The following BABAM2 variants were observed in gnomAD, a reference collection of about 807,000 sequenced individuals.
The protein encoded by BABAM2 is BRISC and BRCA1-A complex member 2.
BABAM2 carries 31 observed loss-of-function variants against 54.7 expected under a neutral mutation model. The ratio of observed to expected loss-of-function variants is 0.57; its 90% CI spans 0.43 to 0.77. The LOEUF is 0.77. Among genes scored for constraint, BABAM2 ranks in the 30% least tolerant of loss-of-function variants. The pLI is 0.00. For synonymous variants in BABAM2, 167 were observed against 162.9 expected (o/e 1.03, Z -0.19); for missense variants, 364 against 455.8 (o/e 0.80, Z 1.83).
chr2:28,045,166 A>G (rs984749466), intron 5 of BABAM2, among the ~76,000 whole-genome samples: 4 of 152,204 alleles, frequency 2.6e-5, no homozygotes, highest in South Asian at 2.1e-4. Context: ...AGATTAGTTC[A>G]TGGAGGGAGT....
rs77789876 is a variant in BABAM2, at chr2:28,281,948, G to T, written c.935-16390G>T. On this transcript the variant is annotated intron_variant, in intron 10 of 11. Coordinates refer to ENST00000379624, the MANE Select transcript of BABAM2 (RefSeq NM_199191.3). ...AGGGAAGGATATGGAGATTTTGAAG[G>T]CTTCAAAGGTTACTGACAGATGAGA... is the stretch of plus-strand genomic sequence containing the variant. Among the ~76,000 whole-genome samples the T allele has an allele frequency of 7.2e-3, 1,094 of 152,298 alleles. 9 individuals carry two copies. Among genetic ancestry groups the T allele is most frequent in the African/African-American group, 0.025 (1,037 of 41,554 alleles).
chr2:27,984,388 C>G (rs1395072632), intron 3 of BABAM2, among the ~76,000 whole-genome samples: 1 of 152,086 alleles, frequency 6.6e-6, no homozygotes. Context: ...ATTATCTCTA[C>G]TTGTGCTTTT....
chr2:28,167,709 T>TA (rs1558400423), intron 7 of BABAM2, among the ~76,000 whole-genome samples: 2 of 147,700 alleles, frequency 1.4e-5, no homozygotes, highest in African/African-American at 2.5e-5. Flanking sequence ...AATAAATAAA[T>TA]AAATAAATAA....
At chr2:27,991,713 T>C (rs1284822665) in intron 4 of BABAM2, among the ~76,000 whole-genome samples, 2 of 152,198 alleles carry the variant, frequency 1.3e-5, no homozygotes, top group African/African-American at 2.4e-5. Flanking sequence ...GAAGCATGTA[T>C]TACTGTTTTA....
intron 7 of BABAM2, among the ~76,000 whole-genome samples, chr2:28,203,673 A>G (rs1427081128): frequency 6.6e-6 from 1 of 152,080 alleles, no homozygotes; most frequent in Non-Finnish European, 1.5e-5. Context: ...TACATAGGTG[A>G]TATACTAAGG....
At chr2:27,953,387 T>C (rs1669878039) in intron 3 of BABAM2, among the ~76,000 whole-genome samples, 1 of 152,078 alleles carries the variant, frequency 6.6e-6, no homozygotes, top group Admixed American at 6.6e-5. Flanking sequence ...CTACCTGTGT[T>C]GCCCAGGATG....
intron 11 of BABAM2, among the ~76,000 whole-genome samples, chr2:28,300,199 A>T (rs1442805077): frequency 6.6e-6 from 1 of 152,152 alleles, no homozygotes; most frequent in Non-Finnish European, 1.5e-5. Context: ...TCAGCCTCCC[A>T]AAGTGCTAGG....
Position 27,926,455 on chromosome 2 carries a change from A to AT in BABAM2, c.129-3377_129-3376insT, listed in dbSNP as rs1318440163. Among the ~76,000 whole-genome samples the AT allele has an allele frequency of 2.0e-5, 3 of 152,338 alleles. No homozygotes were observed. In the East Asian group the frequency reaches 5.8e-4, roughly 29 times the overall value. ...TGCTCTGCCTGGAATGCTCTTTCCC[A>AT]GAACTTGGCATGGTGGGCCCCTTTG... On this transcript the variant is annotated intron_variant, in intron 2 of 11. Transcript: ENST00000379624.
chr2:28,235,204 T>C (rs1681787512), intron 7 of BABAM2, among the ~76,000 whole-genome samples: 1 of 152,210 alleles, frequency 6.6e-6, no homozygotes, highest in Non-Finnish European at 1.5e-5. Context: ...AGATGGAGTC[T>C]CACTTTTATC....
chr2:28,313,847 G>A (rs1689283359), intron 11 of BABAM2, among the ~76,000 whole-genome samples: 1 of 152,148 alleles, frequency 6.6e-6, no homozygotes, highest in East Asian at 1.9e-4. Context: ...ATGGTCCATC[G>A]CTGCTTGAGA....
chr2:28,187,645 T>C (rs1406330862), intron 7 of BABAM2, among the ~76,000 whole-genome samples: 5 of 148,324 alleles, frequency 3.4e-5, no homozygotes, highest in Non-Finnish European at 3.0e-5. Flanking sequence ...ACCATTCTCC[T>C]AAAACAGAAC....
At chr2:28,234,127 T>G (rs1681682726) in intron 7 of BABAM2, among the ~76,000 whole-genome samples, 2 of 152,176 alleles carry the variant, frequency 1.3e-5, no homozygotes, top group South Asian at 4.1e-4. Flanking sequence ...AAACCTGTGT[T>G]CAGATCTTGG....
At chr2:28,293,451 G>A (rs1173476885) in intron 10 of BABAM2, among the ~76,000 whole-genome samples, 1 of 152,194 alleles carries the variant, frequency 6.6e-6, no homozygotes, top group Non-Finnish European at 1.5e-5. Flanking sequence ...TCACAGAGAG[G>A]CAGCATAGTT....
chr2:28,265,606 G>A lies in BABAM2; in HGVS notation c.934+20744G>A, dbSNP rs1684913398. On this transcript the variant is annotated intron_variant, in intron 10 of 11. Coordinates refer to ENST00000379624, the MANE Select transcript of BABAM2 (RefSeq NM_199191.3). Reference sequence around the variant, plus strand: ...GGGCTTGACCAGAATTCTCCAGCATGTACAGTCCTATTCATACACATGCAT... The same window carrying A: ...GGGCTTGACCAGAATTCTCCAGCATATACAGTCCTATTCATACACATGCAT... 5.9e-5 allele frequency among the ~76,000 whole-genome samples: 9 copies of A among 152,036 alleles called. No homozygotes were observed. The South Asian group carries it at 1.9e-3, about 32-fold the overall frequency.
chr2:28,225,617 G>A (rs1337295410), intron 7 of BABAM2, among the ~76,000 whole-genome samples: 1 of 151,960 alleles, frequency 6.6e-6, no homozygotes, highest in Non-Finnish European at 1.5e-5. Flanking sequence ...GAAGGCTTTT[G>A]TAGGCAGCTT....
At chr2:28,096,593 C>G (rs1437684799) in intron 6 of BABAM2, among the ~76,000 whole-genome samples, 3 of 152,060 alleles carry the variant, frequency 2.0e-5, no homozygotes, top group Non-Finnish European at 4.4e-5. Context: ...TTCCATATAT[C>G]TGTGGTTTAC....
intron 11 of BABAM2, among the ~76,000 whole-genome samples, chr2:28,315,572 A>G (rs772639936): frequency 1.3e-5 from 2 of 151,714 alleles, no homozygotes; most frequent in African/African-American, 4.8e-5. Flanking sequence ...GGCTCAAGCA[A>G]TCCTCCCACC....
intron 7 of BABAM2, among the ~76,000 whole-genome samples, chr2:28,155,909 C>T (rs1181765058): frequency 3.9e-5 from 6 of 152,110 alleles, no homozygotes; most frequent in African/African-American, 1.4e-4. Context: ...TTAGTTGTTG[C>T]ATACACGGAT....
At chr2:28,218,048 C>T (rs1680072878) in intron 7 of BABAM2, among the ~76,000 whole-genome samples, 1 of 152,106 alleles carries the variant, frequency 6.6e-6, no homozygotes, top group African/African-American at 2.4e-5. Flanking sequence ...TGTCTTATTC[C>T]TTTTACACAG....
Sources: allele counts gnomAD v4.1 joint callset (sites outside exome capture counted in the v4.1 genomes callset), GRCh38; gene constraint gnomAD v4.1.1; transcripts MANE v1.5; gene names NCBI Gene and HGNC (gene_info 2026-07-23, HGNC 2026-07-21).